TMEM131L: variants seen among roughly 807,000 people sequenced by gnomAD.
The protein encoded by TMEM131L is transmembrane protein 131-like.
Under a neutral mutation model 192.2 loss-of-function variants are expected in TMEM131L, and 54 were observed. The observed-to-expected ratio is 0.28, with a 90% CI of 0.23 to 0.35. The LOEUF (loss-of-function observed/expected upper bound fraction) is 0.35, where lower values mean the gene tolerates loss of function less well. TMEM131L is among the 10% of genes least tolerant of loss of function. TMEM131L has a pLI of 1.00. For missense variants in TMEM131L, 1,888 were observed against 1,972.9 expected (o/e 0.96, Z 0.82); for synonymous variants, 701 against 704.9 (o/e 0.99, Z 0.09).
chr4:153,596,745 C>T (rs1257310924), intron 20 of TMEM131L, among the ~76,000 whole-genome samples: 4 of 152,226 alleles, frequency 2.6e-5, no homozygotes, highest in African/African-American at 7.2e-5. Flanking sequence ...TATTTTCAGT[C>T]TTTAGTATTT....
chr4:153,595,286 T>C (rs1214852476), intron 19 of TMEM131L, among the ~76,000 whole-genome samples: 2 of 152,178 alleles, frequency 1.3e-5, no homozygotes, highest in African/African-American at 2.4e-5. Flanking sequence ...GTTTTTTATA[T>C]ACCCTAAAAA....
intron 7 of TMEM131L, among the ~76,000 whole-genome samples, chr4:153,571,958 T>C (rs538962408): frequency 3.9e-4 from 59 of 152,266 alleles, no homozygotes; most frequent in Non-Finnish European, 4.8e-4. Flanking sequence ...TATTTCATTT[T>C]GAATACCTGC....
intron 3 of TMEM131L, among the ~76,000 whole-genome samples, chr4:153,511,696 G>A (rs1228400917): frequency 6.6e-6 from 1 of 152,056 alleles, no homozygotes; most frequent in African/African-American, 2.4e-5. Flanking sequence ...CATTTTCTCA[G>A]TGCCTACATC....
intron 20 of TMEM131L, among the ~76,000 whole-genome samples, chr4:153,596,792 C>T (rs1340776952): frequency 1.3e-5 from 2 of 152,124 alleles, no homozygotes; most frequent in African/African-American, 4.8e-5. Context: ...TTTTTTGCTC[C>T]TGGAATTCTC....
intron 29 of TMEM131L, among the ~76,000 whole-genome samples, 178 bp downstream of exon 29, chr4:153,623,261 T>G (rs570671747): frequency 6.6e-6 from 1 of 152,194 alleles, no homozygotes; most frequent in African/African-American, 2.4e-5. Context: ...CCCCTTCCCC[T>G]CCATCCTTGT....
chr4:153,537,684 C>G (rs1174363157), intron 3 of TMEM131L, among the ~76,000 whole-genome samples: 1 of 152,174 alleles, frequency 6.6e-6, no homozygotes, highest in Non-Finnish European at 1.5e-5. Context: ...GTTTCATCAG[C>G]AAGGCCTTTA....
At chr4:153,532,984 C>CTTT (rs70963190) in intron 3 of TMEM131L, among the ~76,000 whole-genome samples, 10 of 129,684 alleles carry the variant, frequency 7.7e-5, no homozygotes, top group Admixed American at 3.1e-4. Flanking sequence ...TTTCTCAATT[C>CTTT]TTTTTTTTTT....
intron 3 of TMEM131L, among the ~76,000 whole-genome samples, chr4:153,507,649 G>A (rs932704088): frequency 2.5e-4 from 38 of 152,174 alleles, no homozygotes; most frequent in African/African-American, 9.2e-4. Flanking sequence ...GCAGACTTTT[G>A]ACTTAAGTTT....
At chr4:153,514,165 G>A (rs976834655) in intron 3 of TMEM131L, among the ~76,000 whole-genome samples, 1 of 152,102 alleles carries the variant, frequency 6.6e-6, no homozygotes, top group African/African-American at 2.4e-5. Flanking sequence ...ATTAATCTTT[G>A]CAGCTTTGAT....
chr4:153,623,381 A>G (rs2126772338), intron 29 of TMEM131L, among the ~76,000 whole-genome samples: 1 of 152,240 alleles, frequency 6.6e-6, no homozygotes, highest in East Asian at 1.9e-4. Flanking sequence ...TGCCATTGTG[A>G]TGTTTCTTAG....
rs141878729 is a variant in TMEM131L at position 153,609,185 on chromosome 4, C to T, written c.3419-3067C>T. Among the ~76,000 whole-genome samples the T allele has an allele frequency of 2.4e-4, 37 of 152,246 alleles. No individual in the cohort carries two copies. The East Asian group carries it at 5.6e-3, about 23-fold the overall frequency. On this transcript the variant is annotated intron_variant, in intron 25 of 34. Transcript: ENST00000409959. ...TTTAATTGGCTCACAGTTCTGTGGG[C>T]TGTACAGGCTTCTGCTTCTGGGGAG...
At chr4:153,548,349 G>A (rs1737350033) in intron 3 of TMEM131L, among the ~76,000 whole-genome samples, 1 of 152,164 alleles carries the variant, frequency 6.6e-6, no homozygotes, top group South Asian at 2.1e-4. Context: ...CGCCAAGGCT[G>A]GATGGAGTGC....
At chr4:153,624,540 G>A (rs1225774200) in intron 29 of TMEM131L, among the ~76,000 whole-genome samples, 1 of 152,238 alleles carries the variant, frequency 6.6e-6, no homozygotes, top group African/African-American at 2.4e-5. Context: ...GTGAGATTGT[G>A]CAGTTCCTGT....
chr4:153,563,601 G>A (rs1728991653), intron 7 of TMEM131L, among the ~76,000 whole-genome samples: 2 of 151,354 alleles, frequency 1.3e-5, no homozygotes, highest in African/African-American at 4.9e-5. Context: ...CCGAGTAGGT[G>A]AGATCACAGG....
At position 153,584,879 on chromosome 4, in the gene TMEM131L, A is replaced by G. The variant is rs1027325008; in HGVS notation, c.1105A>G (p.Thr369Ala). The G allele has an allele frequency of 1.9e-6, 3 of 1,614,078 alleles. No homozygotes were observed. Among genetic ancestry groups the G allele is most frequent in the African/African-American group, 2.7e-5 (2 of 74,944 alleles). Residue 369 changes from threonine (T) to alanine (A), a missense_variant, in exon 12 of 35, where the codon ACA becomes GCA. Thr to Ala is a moderately conservative substitution (Grantham distance 58). Coordinates refer to ENST00000409959, the MANE Select transcript of TMEM131L (RefSeq NM_001131007.2). ...DSGIIEDVKK[T>A]THTPTLKACL... ...TGGAATTATAGAAGATGTGAAGAAA[A>G]CAACACACACTCCAACACTAAAAGC...
At position 153,604,405 on chromosome 4, in the gene TMEM131L, G is replaced by A. The variant is rs750790494; in HGVS notation, c.3393G>A (p.Leu1131=). The A allele has an allele frequency of 8.1e-6, 13 of 1,598,348 alleles. No individual in the cohort carries two copies. Among genetic ancestry groups the A allele is most frequent in the Non-Finnish European group, 1.0e-5 (12 of 1,174,960 alleles). ...CACCTCAGTACCACCAGCCAGACTT[G>A]CCAGAAATTTCCAGGAAAAATAATG... ...RNSPQYHQPD[L]PEISRKNNGN... is the part of the protein sequence containing the mutation. The change falls in exon 25 of 35, where the codon TTG becomes TTA. Residue 1131 remains leucine, a synonymous_variant. Transcript: ENST00000409959.
At chr4:153,516,371 A>G (rs1296406286) in intron 3 of TMEM131L, among the ~76,000 whole-genome samples, 1 of 152,112 alleles carries the variant, frequency 6.6e-6, no homozygotes, top group Non-Finnish European at 1.5e-5. Context: ...CTGAAACTAG[A>G]GGCATGCACC....
At chr4:153,473,919 T>G (rs1731340382) in intron 3 of TMEM131L, 31 bp downstream of exon 3, 2 of 1,510,952 alleles carry the variant, frequency 1.3e-6, no homozygotes. Context: ...GAAACCTGCA[T>G]GCTGAATGTC....
chr4:153,535,181 G>A (rs897906489), intron 3 of TMEM131L, among the ~76,000 whole-genome samples: 1 of 152,184 alleles, frequency 6.6e-6, no homozygotes, highest in African/African-American at 2.4e-5. Context: ...TCCGATGGAT[G>A]GGATGCGGGG....
Sources: allele counts gnomAD v4.1 joint callset (sites outside exome capture counted in the v4.1 genomes callset), GRCh38; gene constraint gnomAD v4.1.1; transcripts MANE v1.5; gene names NCBI Gene and HGNC (gene_info 2026-07-23, HGNC 2026-07-21).